The following NPAS3 variants were observed in gnomAD, a reference collection of about 807,000 sequenced individuals.
The protein encoded by NPAS3 is neuronal PAS domain protein 3.
NPAS3 carries 14 observed loss-of-function variants against 73.1 expected under a neutral mutation model. The observed-to-expected ratio is 0.19, with a 90% CI of 0.13 to 0.30. The LOEUF (loss-of-function observed/expected upper bound fraction) is 0.30, where lower values mean the gene tolerates loss of function less well. Ranked by LOEUF, NPAS3 falls within the 10% of genes least tolerant of loss-of-function variation. The pLI, the probability that NPAS3 is intolerant of heterozygous loss-of-function variation, is 1.00. For missense variants in NPAS3, 1,096 were observed against 1,250.0 expected, an observed-to-expected ratio of 0.88 and a Z score of 1.86; for synonymous variants, 620 against 541.5, an observed-to-expected ratio of 1.14 and a Z score of -2.01.
intron 4 of NPAS3, among the ~76,000 whole-genome samples, chr14:33,543,946 C>CAT (rs35154724): frequency 4.9e-4 from 51 of 104,844 alleles, no homozygotes; most frequent in Non-Finnish European, 7.5e-4. Context: ...TGGCAAAGTG[C>CAT]ATATATATAT....
chr14:33,598,120 G>A (rs2057299086), intron 5 of NPAS3, among the ~76,000 whole-genome samples: 1 of 152,212 alleles, frequency 6.6e-6, no homozygotes, highest in Non-Finnish European at 1.5e-5. Flanking sequence ...ATTGAACTCA[G>A]TAGGAGGCAC....
chr14:33,344,646 A>G (rs2044643225), intron 3 of NPAS3, among the ~76,000 whole-genome samples: 1 of 152,254 alleles, frequency 6.6e-6, no homozygotes, highest in Non-Finnish European at 1.5e-5. Context: ...TTGTTCATAA[A>G]ATAAAATACT....
chr14:33,117,520 G>A (rs2043106677), intron 2 of NPAS3, among the ~76,000 whole-genome samples: 1 of 152,130 alleles, frequency 6.6e-6, no homozygotes, highest in Admixed American at 6.6e-5. Context: ...TGTTAATGGT[G>A]TGTCTTGCTA....
chr14:33,717,434 A>G (rs2060988448), intron 6 of NPAS3, among the ~76,000 whole-genome samples: 1 of 152,122 alleles, frequency 6.6e-6, no homozygotes, highest in South Asian at 2.1e-4. Flanking sequence ...GAAAGTGAAT[A>G]TTTCAGGGAA....
At chr14:33,049,904 A>G (rs2040644110) in intron 1 of NPAS3, among the ~76,000 whole-genome samples, 1 of 152,202 alleles carries the variant, frequency 6.6e-6, no homozygotes. Flanking sequence ...CTGGAGGATA[A>G]TTGCACTAGG....
chr14:33,555,069 C>T (rs1349356402), intron 4 of NPAS3, among the ~76,000 whole-genome samples: 1 of 149,988 alleles, frequency 6.7e-6, no homozygotes, highest in African/African-American at 2.4e-5. Flanking sequence ...TCACTTCTTG[C>T]ATGTGTACCT....
chr14:33,492,828 C>T (rs1213876301), intron 4 of NPAS3, among the ~76,000 whole-genome samples: 2 of 152,108 alleles, frequency 1.3e-5, no homozygotes, highest in Non-Finnish European at 2.9e-5. Context: ...GACCTTTCAC[C>T]ATGGCAATGA....
At chr14:33,067,328 T>C (rs1187831500) in intron 2 of NPAS3, among the ~76,000 whole-genome samples, 1 of 152,240 alleles carries the variant, frequency 6.6e-6, no homozygotes, top group Admixed American at 6.5e-5. Context: ...ATCAGTCATT[T>C]AAAGAACACA....
chr14:33,463,153 G>A (rs2050351956), intron 4 of NPAS3, among the ~76,000 whole-genome samples: 1 of 152,146 alleles, frequency 6.6e-6, no homozygotes, highest in African/African-American at 2.4e-5. Flanking sequence ...CTTCTAATGG[G>A]AATCAGTTTC....
chr14:33,169,072 G>A (rs1035873874), intron 2 of NPAS3, among the ~76,000 whole-genome samples: 2 of 152,230 alleles, frequency 1.3e-5, no homozygotes, highest in African/African-American at 4.8e-5. Flanking sequence ...CTCTGGTGGA[G>A]TGGCATAAGA....
chr14:33,800,303 A>T lies in NPAS3; in HGVS notation c.1996A>T (p.Asn666Tyr), dbSNP rs2063658257. 2 of 1,613,364 alleles carry T rather than the reference A, an allele frequency of 1.2e-6. No homozygotes were observed. The highest frequency in any genetic ancestry group is 1.7e-6 in the Non-Finnish European group (2 of 1,179,624). ...TTTCGACAATGACAGCAGCATCTGG[A>T]ACTACCCGCCCAACCGGGAGATCTC... The change falls in exon 12 of 12, where the codon AAC becomes TAC. Residue 666 changes from asparagine to tyrosine, a missense_variant. Physicochemically the swap from Asn to Tyr is moderately radical, Grantham distance 143 (BLOSUM62 -2). Around this residue, in one of 5 missense-constraint regions of NPAS3, gnomAD observed 698 missense variants for 676.7 expected, o/e 1.03. Transcript: ENST00000356141. The surrounding 1 kb of genome is among the most constrained non-coding windows in gnomAD (Gnocchi z 6.5).
intron 2 of NPAS3, among the ~76,000 whole-genome samples, chr14:33,201,609 G>T (rs892001839): frequency 6.6e-6 from 1 of 152,220 alleles, no homozygotes; most frequent in Admixed American, 6.5e-5. Flanking sequence ...TCCTGTGACA[G>T]GCAGGCAACA....
chr14:33,646,815 C>T (rs1226503102), intron 5 of NPAS3, among the ~76,000 whole-genome samples: 1 of 151,672 alleles, frequency 6.6e-6, no homozygotes, highest in Non-Finnish European at 1.5e-5. Flanking sequence ...CTTCAGCACT[C>T]ACGAAGAGAT....
intron 1 of NPAS3, among the ~76,000 whole-genome samples, chr14:33,020,382 C>T (rs549524460): frequency 2.0e-5 from 3 of 152,308 alleles, no homozygotes; most frequent in East Asian, 3.9e-4. Flanking sequence ...GTGATGTAAA[C>T]TTTAGCCCCA....
At chr14:33,789,277 C>G (rs1412727831) in intron 9 of NPAS3, among the ~76,000 whole-genome samples, 4 of 152,162 alleles carry the variant, frequency 2.6e-5, no homozygotes, top group African/African-American at 4.8e-5. Flanking sequence ...AAGAGCACAG[C>G]TTATAACTCT....
At chr14:33,221,371 C>T (rs1268836771) in intron 3 of NPAS3, among the ~76,000 whole-genome samples, 1 of 152,176 alleles carries the variant, frequency 6.6e-6, no homozygotes, top group Non-Finnish European at 1.5e-5. Flanking sequence ...TGGCCAATTT[C>T]ACAGATAGAA....
chr14:33,159,180 A>T (rs566341241), intron 2 of NPAS3, among the ~76,000 whole-genome samples: 2 of 152,286 alleles, frequency 1.3e-5, no homozygotes, highest in African/African-American at 2.4e-5. Flanking sequence ...ATAAATAAAT[A>T]AAATTAAATT....
chr14:33,075,262 C>T (rs1008348573), intron 2 of NPAS3, among the ~76,000 whole-genome samples: 5 of 152,110 alleles, frequency 3.3e-5, no homozygotes, highest in East Asian at 1.9e-4. Flanking sequence ...CTATATTTTT[C>T]GTCATGTTAG....
intron 2 of NPAS3, among the ~76,000 whole-genome samples, chr14:33,067,984 T>C (rs1456416423): frequency 6.6e-6 from 1 of 152,212 alleles, no homozygotes; most frequent in African/African-American, 2.4e-5. Context: ...TCCCCTTAAT[T>C]CAAGCTATTA....
Sources: gnomAD v4.1 joint callset for allele counts (sites outside exome capture counted in the v4.1 genomes callset) on GRCh38, gnomAD v4.1.1 for gene constraint, gnomAD v4.1.1 regional missense constraint, Gnocchi (gnomAD v3.1) non-coding constraint, MANE v1.5 for transcripts, NCBI Gene and HGNC (gene_info 2026-07-23, HGNC 2026-07-21) for gene names.